The following NUP93 variants were observed in gnomAD, a reference collection of about 807,000 sequenced individuals.
NUP93 encodes nuclear pore complex protein Nup93.
NUP93 carries 55 observed loss-of-function variants against 107.8 expected under a neutral mutation model. That is an observed-to-expected ratio of 0.51 (90% CI 0.41 to 0.64). The LOEUF (loss-of-function observed/expected upper bound fraction) is 0.64, where lower values mean the gene tolerates loss of function less well. Among genes scored for constraint, NUP93 ranks in the 30% least tolerant of loss-of-function variants. The pLI, the probability that NUP93 is intolerant of heterozygous loss-of-function variation, is 0.00. For synonymous variants in NUP93, 390 were observed against 397.5 expected (o/e 0.98, Z 0.22); for missense variants, 937 against 1,044.7 (o/e 0.90, Z 1.42).
chr16:56,830,043 G>A (rs1221482755), intron 9 of NUP93, among the ~76,000 whole-genome samples: 2 of 152,216 alleles, frequency 1.3e-5, no homozygotes, highest in Non-Finnish European at 2.9e-5. Flanking sequence ...GATCCCCAGT[G>A]CCCAGCAGTA....
At position 56,844,632 on chromosome 16, in the gene NUP93, G is replaced by C. The variant is rs762050600; in HGVS notation, c.*23G>C. On this transcript the variant is annotated 3_prime_UTR_variant, in exon 22 of 22. Transcript: ENST00000308159. Reference sequence around the variant, plus strand: ...TAAGTGCCATGCTTTGTGGGAGTCTGGGTCGGCACACTGTCAGTACATCAG... The same window carrying C: ...TAAGTGCCATGCTTTGTGGGAGTCTCGGTCGGCACACTGTCAGTACATCAG... The C allele has an allele frequency of 1.3e-6, 2 of 1,527,838 alleles. No homozygotes were observed. Among genetic ancestry groups the C allele is most frequent in the African/African-American group, 2.8e-5 (2 of 72,142 alleles). 94.6% of individuals were successfully genotyped at this position (1,527,838 alleles called of 1,614,324 possible). A position where few individuals can be genotyped will look rare whatever the true frequency, so the allele number is the denominator to read the frequency against.
intron 3 of NUP93, among the ~76,000 whole-genome samples, chr16:56,792,354 A>G (rs555157034): frequency 2.0e-5 from 3 of 152,368 alleles, no homozygotes; most frequent in Non-Finnish European, 2.9e-5. Flanking sequence ...ATGTGCAAAC[A>G]TAAAATATCA....
At chr16:56,822,167 G>A (rs1963558657) in intron 7 of NUP93, among the ~76,000 whole-genome samples, 2 of 151,304 alleles carry the variant, frequency 1.3e-5, no homozygotes, top group African/African-American at 2.4e-5. Context: ...AAGAAGGGAG[G>A]GAAGGCTATT....
Position 56,848,460 on chromosome 16 carries a change from G to A in NUP93, c.*3851G>A, listed in dbSNP as rs747548036. On this transcript the variant is annotated 3_prime_UTR_variant, in exon 22 of 22. Transcript: ENST00000308159. ...GAAGTCAGCATCTCATTAAACAGGA[G>A]TTGTCTAAACTGTGGAAGAAAATAT... The A allele has an allele frequency of 2.6e-5, 4 of 152,162 alleles. No homozygotes were observed. Among genetic ancestry groups the A allele is most frequent in the Non-Finnish European group, 5.9e-5 (4 of 68,038 alleles). 9.4% of individuals were successfully genotyped at this position (152,162 alleles called of 1,614,324 possible).
At chr16:56,821,237 A>AC (rs1232524719) in intron 6 of NUP93, among the ~76,000 whole-genome samples, 1 of 152,112 alleles carries the variant, frequency 6.6e-6, no homozygotes, top group South Asian at 2.1e-4. Flanking sequence ...CCTCACTAGG[A>AC]CAGAGGCACA....
At chr16:56,824,997 T>C (rs1288814142) in intron 8 of NUP93, among the ~76,000 whole-genome samples, 1 of 152,172 alleles carries the variant, frequency 6.6e-6, no homozygotes, top group Non-Finnish European at 1.5e-5. Flanking sequence ...CATAGTAGCA[T>C]TTATTTGTTA....
intron 21 of NUP93, chr16:56,842,835 G>C (rs1964053732): frequency 3.3e-6 from 1 of 304,822 alleles, no homozygotes; most frequent in Non-Finnish European, 6.5e-6. Flanking sequence ...TTACAGATGT[G>C]AGCCACCGTT....
In NUP93 at chr16:56,830,715, G is replaced by A. The variant is rs769725726; in HGVS notation, c.1085+30G>A. 2.0e-6 allele frequency: 3 copies of A among 1,503,454 alleles called. No homozygotes were observed. The East Asian group carries it at 7.0e-5, about 35-fold the overall frequency. 93.1% of individuals were successfully genotyped at this position (1,503,454 alleles called of 1,614,324 possible). ...GGTGAATGAGGTGGCACGCCCAGGG[G>A]CAGCCATGCAGAATCAAAGGGGCAT... On this transcript the variant is annotated intron_variant, in intron 10 of 21. Transcript: ENST00000308159.
At chr16:56,800,540 G>A (rs1224728600) in intron 4 of NUP93, among the ~76,000 whole-genome samples, 1 of 152,212 alleles carries the variant, frequency 6.6e-6, no homozygotes, top group Non-Finnish European at 1.5e-5. Context: ...GTGTTTGTGA[G>A]GGAGGCATTC....
At chr16:56,793,864 C>A (rs1411994173) in intron 3 of NUP93, among the ~76,000 whole-genome samples, 1 of 151,988 alleles carries the variant, frequency 6.6e-6, no homozygotes, top group African/African-American at 2.4e-5. Context: ...ACCAGCCTGA[C>A]CAATATGGTG....
chr16:56,795,259 G>C (rs910246145), intron 3 of NUP93, among the ~76,000 whole-genome samples: 1 of 152,154 alleles, frequency 6.6e-6, no homozygotes, highest in Non-Finnish European at 1.5e-5. Flanking sequence ...AGCTTTGTTT[G>C]TGAACCGTGA....
chr16:56,836,553 T>C, intron 16 of NUP93, 48 bp from the exon 17 acceptor site: 1 of 1,109,614 alleles, frequency 9.0e-7, no homozygotes, highest in Non-Finnish European at 1.4e-6. Flanking sequence ...ATAATAGCTC[T>C]GTGCACCCGT....
rs1244625405 is a variant in NUP93, at chr16:56,803,743, G to GAA, written c.361-1757_361-1756dup. On this transcript the variant is annotated intron_variant, in intron 4 of 21. Coordinates refer to ENST00000308159, the MANE Select transcript of NUP93 (RefSeq NM_014669.5). ...AGGATGGTTACAAGCAAAAAACAGG[G>GAA]AAAAATATATATATATATATATATG... is the stretch of plus-strand genomic sequence containing the variant. Among the ~76,000 whole-genome samples, 11 of 40,220 alleles carry GAA rather than the reference G, an allele frequency of 2.7e-4. No homozygotes were observed. The Admixed American group carries it at 2.9e-3, about 10-fold the overall frequency. 26.4% of individuals were successfully genotyped at this position (40,220 alleles called of 152,430 possible).
chr16:56,805,407 T>G, intron 4 of NUP93, 97 bp from the exon 5 acceptor site: 1 of 1,301,788 alleles, frequency 7.7e-7, no homozygotes, highest in Non-Finnish European at 1.1e-6. Flanking sequence ...TATGGAGAAG[T>G]GGTTGGTCTG....
At chr16:56,779,177 A>T (rs1962468473) in intron 3 of NUP93, among the ~76,000 whole-genome samples, 1 of 152,212 alleles carries the variant, frequency 6.6e-6, no homozygotes, top group Non-Finnish European at 1.5e-5. Context: ...AAGTATCTGT[A>T]AAAGTTTTTC....
chr16:56,788,720 G>T (rs1962684094), intron 3 of NUP93, among the ~76,000 whole-genome samples: 1 of 152,198 alleles, frequency 6.6e-6, no homozygotes, highest in Admixed American at 6.5e-5. Flanking sequence ...CCTTAACCTT[G>T]GCCTTCCTCC....
chr16:56,810,831 A>G (rs897768993), intron 5 of NUP93, among the ~76,000 whole-genome samples: 4 of 152,000 alleles, frequency 2.6e-5, no homozygotes. Context: ...AACAAGAGAA[A>G]CCACTATCTT....
intron 7 of NUP93, among the ~76,000 whole-genome samples, chr16:56,821,805 A>G (rs370953809): frequency 5.9e-5 from 9 of 151,994 alleles, no homozygotes; most frequent in East Asian, 5.8e-4. Flanking sequence ...GCCAGTATCA[A>G]TTGATAGTCA....
At chr16:56,841,157 T>C (rs1277372118) in intron 20 of NUP93, among the ~76,000 whole-genome samples, 1 of 152,214 alleles carries the variant, frequency 6.6e-6, no homozygotes, top group African/African-American at 2.4e-5. Context: ...AGCCACTTGC[T>C]CCTTTGTTAT....
Sources: allele counts gnomAD v4.1 joint callset (sites outside exome capture counted in the v4.1 genomes callset), GRCh38; gene constraint gnomAD v4.1.1; transcripts MANE v1.5; gene names NCBI Gene and HGNC (gene_info 2026-07-23, HGNC 2026-07-21).